Variants in MOK observed in about 807,000 individuals in gnomAD.
The protein encoded by MOK is MAPK/MAK/MRK overlapping kinase.
In MOK, 59 loss-of-function variants were observed where a neutral mutation model predicts 54.2. That is an observed-to-expected ratio of 1.09 (90% CI 0.88 to 1.35). The LOEUF is 1.35. Ranked by LOEUF, MOK falls within the 40% of genes most tolerant of loss-of-function variation. The pLI, the probability that MOK is intolerant of heterozygous loss-of-function variation, is 0.00. For missense variants in MOK, 517 were observed against 526.2 expected (o/e 0.98, Z 0.17); for synonymous variants, 210 against 202.7 (o/e 1.04, Z -0.31).
intron 8 of MOK, 94 bp downstream of exon 8, chr14:102,233,594 G>A: frequency 3.7e-6 from 4 of 1,067,742 alleles, no homozygotes; most frequent in Non-Finnish European, 5.7e-6. Context: ...GAGCTCCTGA[G>A]AGGGGTTTGA....
At chr14:102,247,954 C>G (rs908012989) in intron 7 of MOK, among the ~76,000 whole-genome samples, 6 of 152,186 alleles carry the variant, frequency 3.9e-5, no homozygotes, top group Non-Finnish European at 5.9e-5. Context: ...TTGTCTCCTA[C>G]GCCTTCTCAC....
intron 7 of MOK, among the ~76,000 whole-genome samples, chr14:102,237,260 C>G (rs571203650): frequency 2.4e-4 from 37 of 152,308 alleles, no homozygotes; most frequent in African/African-American, 8.4e-4. Flanking sequence ...TTTGCAGCCC[C>G]TCTCTAGAAG....
At chr14:102,292,376 G>A (rs2070852665) in intron 1 of MOK, among the ~76,000 whole-genome samples, 1 of 152,016 alleles carries the variant, frequency 6.6e-6, no homozygotes, top group Admixed American at 6.6e-5. Context: ...AGGAGGCTGA[G>A]GCAGGAGAAT....
rs115998496 is a variant in MOK at position 102,283,214 on chromosome 14, A to G, written c.122+264T>C. 828 of 312,842 alleles carry G rather than the reference A, an allele frequency of 2.6e-3. 8 individuals are homozygous for G. The highest frequency in any genetic ancestry group is 0.016 in the African/African-American group (737 of 46,606). 19.4% of individuals were successfully genotyped at this position (312,842 alleles called of 1,614,324 possible). On this transcript the variant is annotated intron_variant, in intron 2 of 11. Transcript: ENST00000361847. ...ATCCAACACATTTATAACTTTTAGG[A>G]ACATACAGACTGTTTAAGGTGAGAC...
intron 1 of MOK, among the ~76,000 whole-genome samples, chr14:102,283,922 A>G (rs946187627): frequency 3.3e-5 from 5 of 152,278 alleles, no homozygotes; most frequent in Middle Eastern, 3.4e-3. Flanking sequence ...GGGCATGGGC[A>G]TGAGCTTAGG....
At chr14:102,233,839 G>T in intron 7 of MOK, 50 bp from the exon 8 acceptor site, 1 of 1,385,786 alleles carries the variant, frequency 7.2e-7, no homozygotes, top group South Asian at 1.2e-5. Context: ...AGAGCCAACA[G>T]ACCTCACCAA....
In MOK at chr14:102,304,360, A is replaced by C. The variant is rs550512366; in HGVS notation, c.7+602T>G. ...CACTAAAGAAAATTTTTTACCCGTT[A>C]CATTTTCTAGAATGACTACCTCATT... On this transcript the variant is annotated intron_variant, in intron 1 of 11. Coordinates refer to ENST00000361847, the MANE Select transcript of MOK (RefSeq NM_014226.3). 1.1e-3 allele frequency among the ~76,000 whole-genome samples: 167 copies of C among 152,366 alleles called. 1 individual carries two copies. Among genetic ancestry groups the C allele is most frequent in the African/African-American group, 3.7e-3 (155 of 41,594 alleles).
At chr14:102,243,040 C>T (rs1284762656) in intron 7 of MOK, among the ~76,000 whole-genome samples, 1 of 152,212 alleles carries the variant, frequency 6.6e-6, no homozygotes, top group Non-Finnish European at 1.5e-5. Flanking sequence ...TCTTCCTCAT[C>T]TGTTACCTAT....
At chr14:102,260,395 A>C (rs989398934) in intron 4 of MOK, among the ~76,000 whole-genome samples, 8 of 152,290 alleles carry the variant, frequency 5.3e-5, no homozygotes, top group Middle Eastern at 3.4e-3. Context: ...TGGAAGGTTA[A>C]AATGAGTTAA....
chr14:102,262,921 A>T (rs1045465240), intron 4 of MOK, among the ~76,000 whole-genome samples: 1 of 152,214 alleles, frequency 6.6e-6, no homozygotes, highest in Non-Finnish European at 1.5e-5. Context: ...CATCTAACAC[A>T]ACCATTAGTC....
At position 102,273,283 on chromosome 14, in the gene MOK, A is replaced by C. The variant is rs1389640124; in HGVS notation, c.123-7371T>G. Among the ~76,000 whole-genome samples the C allele has an allele frequency of 4.7e-5, 7 of 148,182 alleles. No homozygotes were observed. In the East Asian group the frequency reaches 7.7e-4, roughly 16 times the overall value. On this transcript the variant is annotated intron_variant, in intron 2 of 11. Transcript: ENST00000361847. ...AAGCAACCAAAACATACTAGAACAA[A>C]AAAAAAAAAAAAATAAGTGAATCCT... is the stretch of plus-strand genomic sequence containing the variant.
At chr14:102,247,841 G>A (rs762936556) in intron 7 of MOK, among the ~76,000 whole-genome samples, 7 of 152,264 alleles carry the variant, frequency 4.6e-5, no homozygotes, top group Non-Finnish European at 7.4e-5. Flanking sequence ...AATGTCCCCC[G>A]ATGGCCAGCG....
chr14:102,268,893 C>T (rs889160576), intron 2 of MOK, among the ~76,000 whole-genome samples: 8 of 145,056 alleles, frequency 5.5e-5, no homozygotes, highest in Non-Finnish European at 1.2e-4. Context: ...CCAGCCTGGG[C>T]GACAGTGTGA....
At chr14:102,242,180 G>A (rs1479728424) in intron 7 of MOK, among the ~76,000 whole-genome samples, 1 of 152,166 alleles carries the variant, frequency 6.6e-6, no homozygotes, top group Non-Finnish European at 1.5e-5. Flanking sequence ...TGGAGGGTAA[G>A]TCCATCCCCT....
chr14:102,293,726 A>G (rs869145816), intron 1 of MOK, among the ~76,000 whole-genome samples: 1 of 140,394 alleles, frequency 7.1e-6, no homozygotes, highest in Non-Finnish European at 1.5e-5. Flanking sequence ...AAAAAAAAAA[A>G]GAAAAGAAAA....
chr14:102,298,092 G>A (rs2071656364), intron 1 of MOK, among the ~76,000 whole-genome samples: 1 of 152,230 alleles, frequency 6.6e-6, no homozygotes, highest in South Asian at 2.1e-4. Context: ...TGTGGGACTG[G>A]CGGGCAGCTC....
chr14:102,305,003 A>T lies in MOK; in HGVS notation c.-35T>A, dbSNP rs749827981. ...GGAAGCCGGTGACAACCCCTTGCCG[A>T]CACTGGACGGAAAAGAAAGAAGCAG... On this transcript the variant is annotated 5_prime_UTR_variant, in exon 1 of 12. Transcript: ENST00000361847. 1.7e-5 allele frequency: 28 copies of T among 1,607,590 alleles called. 1 individual carries two copies. In the South Asian group the frequency reaches 2.8e-4, roughly 16 times the overall value.
intron 2 of MOK, among the ~76,000 whole-genome samples, chr14:102,274,787 C>T (rs1597484514): frequency 6.6e-6 from 1 of 151,330 alleles, no homozygotes; most frequent in East Asian, 2.0e-4. Flanking sequence ...CCAGCCTGGC[C>T]AACATGGTGA....
rs1391336495 is a variant in MOK, at chr14:102,231,063, A to T, written c.981+644T>A. The T allele has an allele frequency of 1.3e-5, 2 of 152,262 alleles. No homozygotes were observed. Among genetic ancestry groups the T allele is most frequent in the African/African-American group, 4.8e-5 (2 of 41,436 alleles). 9.4% of individuals were successfully genotyped at this position (152,262 alleles called of 1,614,324 possible). ...GGACGACCGAACAGACGAATGATGGAAGGGCACACTGTCACACTGTTGGGG... is the reference window on the plus strand; with the variant it reads ...GGACGACCGAACAGACGAATGATGGTAGGGCACACTGTCACACTGTTGGGG... On this transcript the variant is annotated intron_variant, in intron 10 of 11. Coordinates refer to ENST00000361847, the MANE Select transcript of MOK (RefSeq NM_014226.3). The surrounding 1 kb of genome is among the most constrained non-coding windows in gnomAD (Gnocchi z 4.4).
Sources: gnomAD v4.1 joint callset for allele counts (sites outside exome capture counted in the v4.1 genomes callset) on GRCh38, gnomAD v4.1.1 for gene constraint, Gnocchi (gnomAD v3.1) non-coding constraint, MANE v1.5 for transcripts, NCBI Gene and HGNC (gene_info 2026-07-23, HGNC 2026-07-21) for gene names.